The following CHM variants were observed in gnomAD, a reference collection of about 807,000 sequenced individuals.
The protein encoded by CHM is rab proteins geranylgeranyltransferase component A 1.
In CHM, 10 loss-of-function variants were observed where a neutral mutation model predicts 49.0. That is an observed-to-expected ratio of 0.20 (90% CI 0.13 to 0.35). The LOEUF is 0.35. Among genes scored for constraint, CHM ranks in the 10% least tolerant of loss-of-function variants. CHM has a pLI of 1.00. For missense variants in CHM, 455 were observed against 478.4 expected, an observed-to-expected ratio of 0.95 and a Z score of 0.46; for synonymous variants, 184 against 167.5, an observed-to-expected ratio of 1.10 and a Z score of -0.76.
At chrX:85,999,513 G>A (rs1276392571) in intron 2 of CHM, among the ~76,000 whole-genome samples, 1 of 111,543 alleles carries the variant, frequency 9.0e-6, no homozygotes, top group Non-Finnish European at 1.9e-5. Flanking sequence ...TCAGAAAAAA[G>A]GATCAGTTGA....
intron 8 of CHM, among the ~76,000 whole-genome samples, chrX:85,918,791 G>T (rs1927608005): frequency 9.0e-6 from 1 of 111,367 alleles, no homozygotes; most frequent in Non-Finnish European, 1.9e-5. Context: ...ACAAAGAAGG[G>T]CATTACATAA....
intron 2 of CHM, among the ~76,000 whole-genome samples, chrX:86,025,726 G>GAAAAAGA (rs1555968541): frequency 1.0e-5 from 1 of 98,206 alleles, no homozygotes; most frequent in Admixed American, 1.1e-4. Flanking sequence ...AAAAGAAAAA[G>GAAAAAGA]AAAAAAAAAA....
At chrX:86,038,662 C>T (rs1331021621) in intron 1 of CHM, among the ~76,000 whole-genome samples, 2 of 112,194 alleles carry the variant, frequency 1.8e-5, no homozygotes, top group African/African-American at 3.2e-5. Context: ...ACTGTAATCT[C>T]TGATCCCATT....
At position 85,885,300 on chromosome X, in the gene CHM, A is replaced by C. The variant is rs185523914; in HGVS notation, c.1511-6237T>G. ...GGGGAAAATACCTTTAAAATCAGTAATATTTTTCAAAGAAAAATACATCTT... is the reference window on the plus strand; with the variant it reads ...GGGGAAAATACCTTTAAAATCAGTACTATTTTTCAAAGAAAAATACATCTT... On this transcript the variant is annotated intron_variant, in intron 12 of 14. Coordinates refer to ENST00000357749, the MANE Select transcript of CHM (RefSeq NM_000390.4). 4.7e-3 allele frequency among the ~76,000 whole-genome samples: 512 copies of C among 109,631 alleles called. 3 individuals are homozygous for C. Among genetic ancestry groups the C allele is most frequent in the Non-Finnish European group, 7.0e-3 (366 of 52,467 alleles).
At position 85,864,672 on chromosome X, in the gene CHM, C is replaced by A. The variant is rs748006115; in HGVS notation, c.1920G>T (p.Lys640Asn). ...CTAGGTTTCCAAGGTTTGTGCTTTC[C>A]TTGAAAGTCTCCGAGTTAGCCTCTG... ...AIPEANSETF[K>N]ESTNLGNLEE... The change falls in exon 15 of 15, where the codon AAG becomes AAT. Residue 640 changes from lysine (K) to asparagine (N), a missense_variant. Physicochemically the swap from Lys to Asn is moderately conservative, Grantham distance 94. Coordinates refer to ENST00000357749, the MANE Select transcript of CHM (RefSeq NM_000390.4). 1 of 1,209,737 alleles carries A rather than the reference C, an allele frequency of 8.3e-7. No individual in the cohort carries two copies. The highest frequency in any genetic ancestry group is 1.8e-5 in the South Asian group (1 of 56,664).
At chrX:86,010,082 A>AC (rs1932992831) in intron 2 of CHM, among the ~76,000 whole-genome samples, 1 of 106,337 alleles carries the variant, frequency 9.4e-6, no homozygotes, top group African/African-American at 3.4e-5. Context: ...AAACTATTAT[A>AC]AGGACAGAAA....
chrX:85,901,986 T>C (rs1383699797), intron 9 of CHM, among the ~76,000 whole-genome samples: 1 of 111,795 alleles, frequency 8.9e-6, no homozygotes, highest in African/African-American at 3.2e-5. Context: ...TAGGGCTCAT[T>C]ATCCAAACTA....
In CHM at chrX:85,969,306, C is replaced by G. The variant is rs1603265741; in HGVS notation, c.315-5254G>C. The G allele has an allele frequency of 1.1e-5, 8 of 739,592 alleles. No homozygotes were observed. The African/African-American group carries it at 1.9e-4, about 17-fold the overall frequency. The allele number at this position is 739,592 out of a possible 1,213,427, so 61.0% of individuals were successfully genotyped here. ...TCTTCTCACTAAAGAAACTAGATGA[C>G]TTTATGCAATTAACAAGCAACGATA... is the stretch of plus-strand genomic sequence containing the variant. On this transcript the variant is annotated intron_variant, in intron 4 of 14. Transcript: ENST00000357749.
At chrX:86,031,036 T>C (rs899711568) in intron 1 of CHM, among the ~76,000 whole-genome samples, 1 of 111,254 alleles carries the variant, frequency 9.0e-6, no homozygotes, top group Admixed American at 9.6e-5. Context: ...ATGTTACCCA[T>C]TGTGAACACT....
intron 2 of CHM, among the ~76,000 whole-genome samples, chrX:86,023,484 C>T (rs183055501): frequency 9.0e-6 from 1 of 111,322 alleles, no homozygotes; most frequent in East Asian, 2.8e-4. Flanking sequence ...CTATGGGAAG[C>T]CCTCTCACTG....
At chrX:85,955,087 C>T (rs1241537501) in intron 8 of CHM, among the ~76,000 whole-genome samples, 1 of 111,128 alleles carries the variant, frequency 9.0e-6, no homozygotes, top group Admixed American at 9.6e-5. Context: ...GGATGGTTAT[C>T]AGAGCCTGGG....
At chrX:85,896,685 A>T (rs1204298272) in intron 11 of CHM, among the ~76,000 whole-genome samples, 1 of 107,908 alleles carries the variant, frequency 9.3e-6, no homozygotes, top group East Asian at 2.9e-4. Context: ...TGAGGGAAAA[A>T]TACTGAGGAG....
In CHM at chrX:85,981,806, T is replaced by G; in HGVS notation, c.120A>C (p.Arg40Ser). The G allele has an allele frequency of 1.7e-6, 2 of 1,151,401 alleles. No homozygotes were observed. Among genetic ancestry groups the G allele is most frequent in the South Asian group, 2.0e-5 (1 of 50,705 alleles). The allele number at this position is 1,151,401 out of a possible 1,213,427, so 94.9% of individuals were successfully genotyped here. A position where few individuals can be genotyped will look rare whatever the true frequency, so the allele number is the denominator to read the frequency against. The part of the protein sequence containing the change: ...SGRRVLHVDS[R>S]SYYGGNWASF... ...TGGCCCAGTTTCCTCCATAGTAGCT[T>G]CTTCTGTAACAATTAAAAAAAAAAA... The change falls in exon 3 of 15, where the codon AGA becomes AGC. Residue 40 changes from arginine to serine, a missense_variant. Arg to Ser is a moderately radical substitution (Grantham distance 110). Coordinates refer to ENST00000357749, the MANE Select transcript of CHM (RefSeq NM_000390.4).
At chrX:85,971,213 T>A (rs1358222946) in intron 4 of CHM, 1 of 753,776 alleles carries the variant, frequency 1.3e-6, no homozygotes, top group African/African-American at 2.3e-5. Flanking sequence ...AATTCTCGCC[T>A]AGTCCTCCTT....
intron 2 of CHM, among the ~76,000 whole-genome samples, chrX:86,013,010 C>A (rs1933140022): frequency 9.0e-6 from 1 of 111,638 alleles, no homozygotes; most frequent in Admixed American, 9.5e-5. Context: ...CTTTTCTACA[C>A]TGCTATGCCC....
At chrX:85,954,154 CAAG>C (rs1929892733) in intron 8 of CHM, among the ~76,000 whole-genome samples, 1 of 112,015 alleles carries the variant, frequency 8.9e-6, no homozygotes, top group Admixed American at 9.4e-5. Context: ...ATACAAATGA[CAAG>C]GAGACATATA....
intron 2 of CHM, among the ~76,000 whole-genome samples, chrX:86,003,548 A>T (rs1445485154): frequency 1.8e-5 from 2 of 112,186 alleles, no homozygotes; most frequent in Non-Finnish European, 3.8e-5. Context: ...TAGAATAAAC[A>T]GTGTAGAGAA....
At chrX:86,002,452 G>T (rs1015599839) in intron 2 of CHM, among the ~76,000 whole-genome samples, 2 of 111,783 alleles carry the variant, frequency 1.8e-5, no homozygotes, top group Admixed American at 9.5e-5. Flanking sequence ...GGCCGAATAG[G>T]AACACCTCTG....
chrX:86,016,448 C>T (rs1304816145), intron 2 of CHM, among the ~76,000 whole-genome samples: 1 of 112,129 alleles, frequency 8.9e-6, no homozygotes, highest in African/African-American at 3.2e-5. Flanking sequence ...CAGCTGTATG[C>T]AGCCTAGGGG....
Sources: gnomAD v4.1 joint callset for allele counts (sites outside exome capture counted in the v4.1 genomes callset) on GRCh38, gnomAD v4.1.1 for gene constraint, MANE v1.5 for transcripts, NCBI Gene and HGNC (gene_info 2026-07-23, HGNC 2026-07-21) for gene names.